The following CCDC171 variants were observed in gnomAD, a reference collection of about 807,000 sequenced individuals.
The protein encoded by CCDC171 is coiled-coil domain containing 171.
CCDC171 carries 177 observed loss-of-function variants against 168.2 expected under a neutral mutation model. That is an observed-to-expected ratio of 1.05 (90% CI 0.93 to 1.19). CCDC171 has a LOEUF of 1.19. CCDC171 is among the 50% of genes most tolerant of loss of function. The pLI is 0.00. For synonymous variants in CCDC171, 687 were observed against 540.8 expected, an observed-to-expected ratio of 1.27 and a Z score of -3.75; for missense variants, 1,991 against 1,539.0, an observed-to-expected ratio of 1.29 and a Z score of -4.91.
intron 18 of CCDC171, among the ~76,000 whole-genome samples, chr9:15,775,680 T>A (rs2057286233): frequency 6.6e-6 from 1 of 152,214 alleles, no homozygotes; most frequent in African/African-American, 2.4e-5. Flanking sequence ...TGTGAAAAAT[T>A]TTTTTGTATC....
At chr9:16,103,840 G>T in the CCDC171 span, among the ~76,000 whole-genome samples, 1 of 152,216 alleles carries the variant, frequency 6.6e-6, no homozygotes, top group Admixed American at 6.5e-5. Context: ...CTCCGGGGGG[G>T]CTGGGGGAGA....
At chr9:15,628,576 C>T (rs1417573587) in intron 7 of CCDC171, among the ~76,000 whole-genome samples, 2 of 152,252 alleles carry the variant, frequency 1.3e-5, no homozygotes, top group Non-Finnish European at 2.9e-5. Flanking sequence ...CTGCCTGCCT[C>T]TGTAGGCTCC....
intron 24 of CCDC171, among the ~76,000 whole-genome samples, chr9:15,891,834 A>T (rs1298412017): frequency 1.3e-5 from 2 of 152,070 alleles, no homozygotes; most frequent in African/African-American, 2.4e-5. Context: ...AAAAGAAAGA[A>T]CCTCAGTGTT....
At chr9:15,722,900 T>A (rs2053574680) in intron 12 of CCDC171, among the ~76,000 whole-genome samples, 1 of 152,200 alleles carries the variant, frequency 6.6e-6, no homozygotes, top group East Asian at 1.9e-4. Flanking sequence ...TAGTAGTTTA[T>A]GAAACTCTTC....
At chr9:15,839,793 T>C (rs2060597899) in intron 21 of CCDC171, among the ~76,000 whole-genome samples, 2 of 152,184 alleles carry the variant, frequency 1.3e-5, no homozygotes, top group African/African-American at 4.8e-5. Context: ...ATTTGCTGTC[T>C]AGAATTTTTT....
intron 25 of CCDC171, among the ~76,000 whole-genome samples, chr9:15,937,869 G>A (rs1363313217): frequency 1.3e-5 from 2 of 151,838 alleles, no homozygotes; most frequent in African/African-American, 4.8e-5. Flanking sequence ...ATCATGTATG[G>A]ACAAGGAAGC....
chr9:15,667,078 C>T (rs1464865787), intron 9 of CCDC171, among the ~76,000 whole-genome samples: 1 of 152,150 alleles, frequency 6.6e-6, no homozygotes, highest in African/African-American at 2.4e-5. Flanking sequence ...CTGACTCCTA[C>T]TGATTTTAAC....
chr9:16,001,417 TAGAG>T (rs1464418544), intron 3 of CCDC171, among the ~76,000 whole-genome samples: 3 of 151,962 alleles, frequency 2.0e-5, no homozygotes, highest in Admixed American at 1.3e-4. Context: ...TGTGTGTGTG[TAGAG>T]AGAGTTTTCT....
chr9:16,018,970 A>G (rs1833097420), intron 3 of CCDC171, among the ~76,000 whole-genome samples: 1 of 152,186 alleles, frequency 6.6e-6, no homozygotes, highest in Non-Finnish European at 1.5e-5. Flanking sequence ...AATTTTTCCT[A>G]TGGATGATAC....
At chr9:15,792,581 G>A (rs1202244271) in intron 21 of CCDC171, among the ~76,000 whole-genome samples, 7 of 152,108 alleles carry the variant, frequency 4.6e-5, no homozygotes, top group African/African-American at 1.2e-4. Flanking sequence ...GAGAAAGGTC[G>A]GGTTGCCCAC....
chr9:15,903,974 G>GA (rs1330371249), intron 24 of CCDC171, among the ~76,000 whole-genome samples: 4 of 152,130 alleles, frequency 2.6e-5, no homozygotes, highest in African/African-American at 7.2e-5. Flanking sequence ...GAAGTTTAGA[G>GA]AAAACAGAAT....
intron 6 of CCDC171, among the ~76,000 whole-genome samples, chr9:15,602,632 CTTTTTTTTTTTTTTCTTTTTTTT>C (rs1293237161): frequency 0.22 from 6,734 of 30,582 alleles, 194 homozygotes; most frequent in Middle Eastern, 0.37. Context: ...TTTCTCATTT[CTTTTTTTTTTTTTTCTTTTTTTT>C]TTTTTTTTTT....
chr9:15,991,062 T>C (rs1046187288), intron 3 of CCDC171, among the ~76,000 whole-genome samples: 4 of 152,184 alleles, frequency 2.6e-5, no homozygotes, highest in Non-Finnish European at 5.9e-5. Context: ...AACTCAGTTC[T>C]GCACCAAGCA....
At chr9:16,018,593 C>T (rs10756733) in intron 3 of CCDC171, among the ~76,000 whole-genome samples, 48,853 of 152,078 alleles carry the variant, frequency 0.32, 9,892 homozygotes, top group East Asian at 0.63. Context: ...AAGAATCTTT[C>T]GTTACCCCTC....
chr9:15,680,382 A>G (rs1366251101), intron 10 of CCDC171, among the ~76,000 whole-genome samples: 1 of 152,112 alleles, frequency 6.6e-6, no homozygotes, highest in African/African-American at 2.4e-5. Flanking sequence ...TTATATTCCA[A>G]AAGTTTTAGT....
intron 7 of CCDC171, among the ~76,000 whole-genome samples, chr9:15,629,317 C>G (rs973045436): frequency 6.6e-6 from 1 of 152,074 alleles, no homozygotes; most frequent in Non-Finnish European, 1.5e-5. Context: ...ATAACCAATA[C>G]AGAGAAGTGC....
chr9:15,616,627 G>C (rs2044104286), intron 6 of CCDC171, among the ~76,000 whole-genome samples: 1 of 152,062 alleles, frequency 6.6e-6, no homozygotes, highest in African/African-American at 2.4e-5. Context: ...GAAAGTTGGA[G>C]ATTATGTATT....
chr9:15,561,848 A>G (rs1207877320), intron 1 of CCDC171, among the ~76,000 whole-genome samples: 2 of 152,052 alleles, frequency 1.3e-5, no homozygotes, highest in Non-Finnish European at 2.9e-5. Context: ...GAAAGACTTG[A>G]TAAAAGACAC....
intron 3 of CCDC171, among the ~76,000 whole-genome samples, chr9:15,985,584 T>C (rs1278002085): frequency 6.6e-6 from 1 of 152,216 alleles, no homozygotes; most frequent in African/African-American, 2.4e-5. Context: ...TAAGTGACTT[T>C]CCCAAATTAG....
Sources: allele counts gnomAD v4.1 joint callset (sites outside exome capture counted in the v4.1 genomes callset), GRCh38; gene constraint gnomAD v4.1.1; transcripts MANE v1.5; gene names NCBI Gene and HGNC (gene_info 2026-07-23, HGNC 2026-07-21).